KCNK18: variants seen among roughly 807,000 people sequenced by gnomAD.
KCNK18 encodes potassium two pore domain channel subfamily K member 18, also known as potassium channel subfamily K member 18.
In KCNK18, 8 loss-of-function variants were observed where a neutral mutation model predicts 11.8. The observed-to-expected ratio is 0.68, with a 90% CI of 0.40 to 1.22. KCNK18 has a LOEUF of 1.22. Among genes scored for constraint, KCNK18 ranks in the 50% most tolerant of loss-of-function variants. KCNK18 has a pLI of 0.01. For missense variants in KCNK18, 442 were observed against 465.4 expected (o/e 0.95, Z 0.46); for synonymous variants, 208 against 185.8 (o/e 1.12, Z -0.97).
chr10:117,209,446 G>T (rs1855115175), intron 2 of KCNK18, 51 bp from the exon 3 acceptor site: 1 of 1,479,964 alleles, frequency 6.8e-7, no homozygotes, highest in Admixed American at 1.7e-5. Context: ...CTTTTGGGGG[G>T]AAAAAGGGAA....
In KCNK18 at chr10:117,210,121, T is replaced by G; in HGVS notation, c.977T>G (p.Phe326Cys). Residue 326 changes from phenylalanine to cysteine, a missense_variant, in exon 3 of 3, where the codon TTT (phenylalanine) becomes TGT (cysteine). Transcript: ENST00000334549. ...FCFVTLTTIG[F>C]GDTVLEHPNF... is the part of the protein sequence containing the mutation. ...TTTGTCACACTCACCACCATTGGGT[T>G]TGGGGATACTGTTTTAGAACACCCT... The G allele has an allele frequency of 6.2e-7, 1 of 1,614,250 alleles. No individual in the cohort carries two copies. Among genetic ancestry groups the G allele is most frequent in the Non-Finnish European group, 8.5e-7 (1 of 1,180,042 alleles).
chr10:117,205,569 A>G (rs1855065357), intron 2 of KCNK18, among the ~76,000 whole-genome samples: 1 of 152,118 alleles, frequency 6.6e-6, no homozygotes, highest in South Asian at 2.1e-4. Context: ...ACTCCAATCC[A>G]AACCATCCTC....
chr10:117,205,353 G>A (rs1369700513), intron 2 of KCNK18, among the ~76,000 whole-genome samples: 1 of 152,206 alleles, frequency 6.6e-6, no homozygotes, highest in African/African-American at 2.4e-5. Flanking sequence ...CTTTGTGGGG[G>A]TTGTGTGCTC....
intron 2 of KCNK18, 104 bp from the exon 3 acceptor site, chr10:117,209,393 A>G: frequency 4.2e-6 from 4 of 942,660 alleles, no homozygotes; most frequent in Non-Finnish European, 7.0e-6. Context: ...AATGTGTAAA[A>G]TGTCATGCCA....
Position 117,210,227 on chromosome 10 carries a change from G to C in KCNK18, c.1083G>C (p.Arg361Ser). The C allele has an allele frequency of 1.2e-6, 2 of 1,614,148 alleles. No homozygotes were observed. Among genetic ancestry groups the C allele is most frequent in the Non-Finnish European group, 1.7e-6 (2 of 1,180,008 alleles). Residue 361 changes from arginine (R) to serine (S), a missense_variant, in exon 3 of 3, where the codon AGG (arginine) becomes AGC (serine). Physicochemically the swap from Arg to Ser is moderately radical, Grantham distance 110. Transcript: ENST00000334549. Reference sequence around the variant, plus strand: ...TTGCTTTCAAGTTGGTGCAAAACAGGCTGATTGACATATACAAAAATGTTA... The same window carrying C: ...TTGCTTTCAAGTTGGTGCAAAACAGCCTGATTGACATATACAAAAATGTTA... The part of the protein sequence containing the change: ...VFIAFKLVQN[R>S]LIDIYKNVML...
intron 2 of KCNK18, among the ~76,000 whole-genome samples, chr10:117,208,522 T>G (rs1474497101): frequency 1.3e-5 from 2 of 152,156 alleles, no homozygotes; most frequent in East Asian, 3.8e-4. Context: ...GCAAGGTCAG[T>G]CAGAACCTAG....
chr10:117,209,621 A>T lies in KCNK18; in HGVS notation c.477A>T (p.Leu159Phe). The change falls in exon 3 of 3, where the codon TTA becomes TTT. Residue 159 changes from leucine (L) to phenylalanine (F), a missense_variant. Coordinates refer to ENST00000334549, the MANE Select transcript of KCNK18 (RefSeq NM_181840.1). ...TDTGDILATI[L>F]STSYNRFRKF... ...CAGGCGACATCCTGGCAACCATCTT[A>T]TCTACATCTTATAATCGGTTCCGAA... 6.2e-7 allele frequency: 1 copy of T among 1,614,024 alleles called. No individual in the cohort carries two copies. The highest frequency in any genetic ancestry group is 8.5e-7 in the Non-Finnish European group (1 of 1,180,000).
chr10:117,208,851 C>T (rs1309057890), intron 2 of KCNK18, among the ~76,000 whole-genome samples: 1 of 152,002 alleles, frequency 6.6e-6, no homozygotes, highest in South Asian at 2.1e-4. Flanking sequence ...AGTGATTCTC[C>T]TGCCTCAACC....
At chr10:117,200,785 C>T (rs1855004055) in intron 1 of KCNK18, among the ~76,000 whole-genome samples, 1 of 150,890 alleles carries the variant, frequency 6.6e-6, no homozygotes, top group Non-Finnish European at 1.5e-5. Flanking sequence ...GCACTCCAGC[C>T]TGGCAACAGA....
chr10:117,208,116 G>A (rs1223402893), intron 2 of KCNK18, among the ~76,000 whole-genome samples: 1 of 152,086 alleles, frequency 6.6e-6, no homozygotes, highest in African/African-American at 2.4e-5. Flanking sequence ...TCCTGCCCCC[G>A]GATGCTCCTG....
intron 2 of KCNK18, among the ~76,000 whole-genome samples, chr10:117,206,883 A>T (rs1421235941): frequency 2.0e-5 from 3 of 152,126 alleles, no homozygotes; most frequent in African/African-American, 7.2e-5. Context: ...CACTGTATGG[A>T]TAACCCTTTG....
intron 2 of KCNK18, among the ~76,000 whole-genome samples, chr10:117,206,416 CCA>C (rs1437057571): frequency 6.6e-6 from 1 of 152,114 alleles, no homozygotes; most frequent in South Asian, 2.1e-4. Context: ...GTACCTAGGG[CCA>C]CACACACAAT....
At chr10:117,206,387 T>C (rs1267259163) in intron 2 of KCNK18, among the ~76,000 whole-genome samples, 2 of 152,116 alleles carry the variant, frequency 1.3e-5, no homozygotes, top group Non-Finnish European at 2.9e-5. Context: ...GCCTCTCCCT[T>C]ATCAGGACAC....
In KCNK18 at chr10:117,201,586, G is replaced by C. The variant is rs956317819; in HGVS notation, c.352+299G>C. Among the ~76,000 whole-genome samples, 3 of 152,200 alleles carry C rather than the reference G, an allele frequency of 2.0e-5. No individual in the cohort carries two copies. In the East Asian group the frequency reaches 5.8e-4, roughly 29 times the overall value. ...CCAGCAGGTCCGTCAGTTTCAAAAA[G>C]TCGCACAGTTCATGTGCGTTTGAAC... On this transcript the variant is annotated intron_variant, in intron 2 of 2. Coordinates refer to ENST00000334549, the MANE Select transcript of KCNK18 (RefSeq NM_181840.1).
intron 2 of KCNK18, among the ~76,000 whole-genome samples, chr10:117,207,719 C>A (rs551533670): frequency 6.6e-6 from 1 of 152,272 alleles, no homozygotes; most frequent in Non-Finnish European, 1.5e-5. Context: ...TGAGGGTAGG[C>A]AACCTGAATG....
At chr10:117,207,735 C>G (rs979997448) in intron 2 of KCNK18, among the ~76,000 whole-genome samples, 2 of 152,194 alleles carry the variant, frequency 1.3e-5, no homozygotes, top group African/African-American at 4.8e-5. Flanking sequence ...GAATGCCCAC[C>G]TGCTCTTGGA....
At chr10:117,208,038 C>T (rs1363504094) in intron 2 of KCNK18, among the ~76,000 whole-genome samples, 1 of 152,086 alleles carries the variant, frequency 6.6e-6, no homozygotes, top group Non-Finnish European at 1.5e-5. Flanking sequence ...GAGGGGCTCC[C>T]GACGGGGATG....
At chr10:117,204,525 C>T (rs1678040) in intron 2 of KCNK18, among the ~76,000 whole-genome samples, 102,252 of 152,012 alleles carry the variant, frequency 0.67, 35,259 homozygotes, top group Middle Eastern at 0.79. Flanking sequence ...CAAAATTGCC[C>T]GCTATTGAGA....
intron 2 of KCNK18, among the ~76,000 whole-genome samples, chr10:117,207,177 C>T (rs1355783091): frequency 3.9e-5 from 6 of 152,160 alleles, no homozygotes; most frequent in South Asian, 2.1e-4. Flanking sequence ...TACAGGTATG[C>T]GCCATCACAC....
Sources: gnomAD v4.1 joint callset for allele counts (sites outside exome capture counted in the v4.1 genomes callset) on GRCh38, gnomAD v4.1.1 for gene constraint, MANE v1.5 for transcripts, NCBI Gene and HGNC (gene_info 2026-07-23, HGNC 2026-07-21) for gene names.